XIRP2: variants seen among roughly 807,000 people sequenced by gnomAD.
XIRP2 encodes xin actin binding repeat containing 2, also known as xin actin-binding repeat-containing protein 2.
A neutral mutation model predicts 277.0 loss-of-function variants in XIRP2; 236 were observed. That is an observed-to-expected ratio of 0.85 (90% confidence interval 0.77 to 0.95). The LOEUF is 0.95. XIRP2 is among the 40% of genes least tolerant of loss of function. The pLI is 0.00. For synonymous variants in XIRP2, 1,490 were observed against 1,416.5 expected (o/e 1.05, Z -1.17); for missense variants, 4,640 against 4,157.5 (o/e 1.12, Z -3.19).
chr2:167,065,928 AT>A (rs1689291819), intron 2 of XIRP2, among the ~76,000 whole-genome samples: 1 of 152,016 alleles, frequency 6.6e-6, no homozygotes, highest in African/African-American at 2.4e-5. Flanking sequence ...CTTTTAAAAA[AT>A]AGCTTTATTG....
At chr2:167,019,598 T>C (rs1687927458) in intron 2 of XIRP2, among the ~76,000 whole-genome samples, 1 of 152,096 alleles carries the variant, frequency 6.6e-6, no homozygotes, top group Admixed American at 6.6e-5. Flanking sequence ...CTAGCCAGGG[T>C]TAAGACCTTC....
At chr2:167,015,208 A>G (rs1001286193) in intron 2 of XIRP2, among the ~76,000 whole-genome samples, 1 of 151,848 alleles carries the variant, frequency 6.6e-6, no homozygotes, top group Non-Finnish European at 1.5e-5. Context: ...AATTGATACT[A>G]TGGCAATTTA....
intron 2 of XIRP2, among the ~76,000 whole-genome samples, chr2:166,998,084 A>C (rs759885841): frequency 6.6e-6 from 1 of 152,158 alleles, no homozygotes; most frequent in Non-Finnish European, 1.5e-5. Flanking sequence ...CATAAAATGC[A>C]TGTGATTCTC....
intron 2 of XIRP2, among the ~76,000 whole-genome samples, chr2:167,019,548 G>C (rs868236313): frequency 6.6e-6 from 1 of 151,946 alleles, no homozygotes; most frequent in East Asian, 1.9e-4. Context: ...CAGTGAAAAA[G>C]AACAAGGCAA....
chr2:167,104,175 G>A (rs1317912102), intron 2 of XIRP2, among the ~76,000 whole-genome samples: 1 of 152,000 alleles, frequency 6.6e-6, no homozygotes, highest in Non-Finnish European at 1.5e-5. Flanking sequence ...TCTCATGAAG[G>A]ATTTTAGTAT....
intron 5 of XIRP2, among the ~76,000 whole-genome samples, chr2:167,233,228 G>C (rs1694808604): frequency 6.6e-6 from 1 of 151,938 alleles, no homozygotes; most frequent in African/African-American, 2.4e-5. Flanking sequence ...ATTTGTGAGT[G>C]TAGTGAGGAA....
At chr2:166,954,131 A>G (rs1442525692) in intron 2 of XIRP2, among the ~76,000 whole-genome samples, 1 of 151,952 alleles carries the variant, frequency 6.6e-6, no homozygotes, top group South Asian at 2.1e-4. Flanking sequence ...GACCACAAAA[A>G]TGACCATGTA....
At chr2:167,101,410 G>T (rs969859810) in intron 2 of XIRP2, among the ~76,000 whole-genome samples, 1 of 152,094 alleles carries the variant, frequency 6.6e-6, no homozygotes, top group Non-Finnish European at 1.5e-5. Flanking sequence ...AGATTTTGGT[G>T]CACCCATCAC....
chr2:167,146,584 A>C (rs1035730008), intron 3 of XIRP2, among the ~76,000 whole-genome samples: 7 of 152,140 alleles, frequency 4.6e-5, no homozygotes, highest in African/African-American at 1.7e-4. Flanking sequence ...GCAAATATGA[A>C]AGAAAGATTA....
chr2:167,117,086 T>A (rs546950838), intron 2 of XIRP2, among the ~76,000 whole-genome samples: 1 of 152,304 alleles, frequency 6.6e-6, no homozygotes, highest in East Asian at 1.9e-4. Context: ...GGGTTGGAAT[T>A]GAGAAGAACT....
At chr2:166,919,666 A>T (rs1268355438) in intron 2 of XIRP2, among the ~76,000 whole-genome samples, 2 of 152,130 alleles carry the variant, frequency 1.3e-5, no homozygotes, top group African/African-American at 4.8e-5. Context: ...GTTAGAAGCA[A>T]TTTTTCCCTC....
At chr2:166,906,744 G>T (rs756132787) in intron 2 of XIRP2, among the ~76,000 whole-genome samples, 19 of 151,970 alleles carry the variant, frequency 1.3e-4, no homozygotes, top group Non-Finnish European at 2.6e-4. Flanking sequence ...ATCACTTGTT[G>T]CCAGGGGTTC....
chr2:167,103,884 T>C (rs1690548655), intron 2 of XIRP2, among the ~76,000 whole-genome samples: 2 of 152,154 alleles, frequency 1.3e-5, no homozygotes, highest in Admixed American at 1.3e-4. Flanking sequence ...ATCACTAGAC[T>C]CTATTAAGTT....
chr2:166,910,448 C>T (rs554194007), intron 2 of XIRP2, among the ~76,000 whole-genome samples: 3 of 152,074 alleles, frequency 2.0e-5, no homozygotes, highest in East Asian at 1.9e-4. Context: ...TCTGTGGGAT[C>T]GGTGGTGATA....
At chr2:167,242,186 A>G (rs1162833198) in intron 8 of XIRP2, among the ~76,000 whole-genome samples, 3 of 152,200 alleles carry the variant, frequency 2.0e-5, no homozygotes, top group African/African-American at 4.8e-5. Context: ...TAAATGCCAG[A>G]TGCTTACTCT....
intron 2 of XIRP2, among the ~76,000 whole-genome samples, chr2:167,036,574 C>G (rs1688512417): frequency 6.6e-6 from 1 of 152,128 alleles, no homozygotes. Flanking sequence ...TTTACAGGCT[C>G]ATAGGCAGAA....
At position 167,245,399 on chromosome 2, in the gene XIRP2, C is replaced by T. The variant is rs749742120; in HGVS notation, c.4007C>T (p.Thr1336Ile). 6.2e-7 allele frequency: 1 copy of T among 1,613,604 alleles called. No individual in the cohort carries two copies. The highest frequency in any genetic ancestry group is 1.1e-5 in the South Asian group (1 of 91,072). Residue 1336 changes from threonine (T) to isoleucine (I), a missense_variant, in exon 9 of 11, where the codon ACA (threonine) becomes ATA (isoleucine). Transcript: ENST00000409195. The part of the protein sequence containing the change: ...DREGSYHEVT[T>I]VKKEEVIHGD... ...GAAGGGTCCTATCATGAAGTGACCA[C>T]AGTTAAAAAAGAAGAGGTAATTCAT...
At chr2:167,170,949 G>A (rs2893040) in intron 3 of XIRP2, among the ~76,000 whole-genome samples, 14,036 of 141,326 alleles carry the variant, frequency 0.099, 751 homozygotes, top group South Asian at 0.15. Flanking sequence ...GCCCAGGCTG[G>A]AGTGCAGTGG....
At chr2:167,188,539 G>A (rs1410237828) in intron 3 of XIRP2, among the ~76,000 whole-genome samples, 2 of 152,176 alleles carry the variant, frequency 1.3e-5, no homozygotes. Flanking sequence ...GCGACATTCA[G>A]AGCCATGAAT....
Sources: allele counts gnomAD v4.1 joint callset (sites outside exome capture counted in the v4.1 genomes callset), GRCh38; gene constraint gnomAD v4.1.1; transcripts MANE v1.5; gene names NCBI Gene and HGNC (gene_info 2026-07-23, HGNC 2026-07-21).